Variants in MAN1C1 observed in about 807,000 individuals in gnomAD.
The protein encoded by MAN1C1 is mannosidase alpha class 1C member 1.
In MAN1C1, 49 loss-of-function variants were observed where a neutral mutation model predicts 71.5. The ratio of observed to expected loss-of-function variants is 0.69; its 90% CI spans 0.54 to 0.87. MAN1C1 has a LOEUF of 0.87. MAN1C1 is among the 40% of genes least tolerant of loss of function. The probability of loss-of-function intolerance (pLI) is 0.00; values close to 1 mark genes in which losing one functional copy is unlikely to be tolerated. For synonymous variants in MAN1C1, 352 were observed against 343.7 expected (o/e 1.02, Z -0.27); for missense variants, 743 against 835.0 (o/e 0.89, Z 1.36).
chr1:25,638,391 A>T (rs1215150750), intron 1 of MAN1C1, among the ~76,000 whole-genome samples: 1 of 152,162 alleles, frequency 6.6e-6, no homozygotes, highest in Non-Finnish European at 1.5e-5. Context: ...ATACATTGGT[A>T]TTATTTTTGC....
intron 1 of MAN1C1, among the ~76,000 whole-genome samples, chr1:25,635,928 TAAAAG>T (rs908264398): frequency 3.9e-5 from 6 of 152,100 alleles, no homozygotes; most frequent in Non-Finnish European, 8.8e-5. Flanking sequence ...GGCTGAGAAA[TAAAAG>T]AGTACCAAGA....
At chr1:25,748,083 C>G (rs1287593554) in intron 3 of MAN1C1, among the ~76,000 whole-genome samples, 1 of 151,710 alleles carries the variant, frequency 6.6e-6, no homozygotes, top group Non-Finnish European at 1.5e-5. Flanking sequence ...AGGCCTGCCT[C>G]GTTCCCTGTG....
At chr1:25,642,228 A>G (rs2045547575) in intron 1 of MAN1C1, among the ~76,000 whole-genome samples, 1 of 152,126 alleles carries the variant, frequency 6.6e-6, no homozygotes. Context: ...CCTTGCCCTT[A>G]CAGAGATCCT....
intron 8 of MAN1C1, among the ~76,000 whole-genome samples, chr1:25,774,630 C>T (rs145662487): frequency 6.6e-6 from 1 of 152,276 alleles, no homozygotes; most frequent in African/African-American, 2.4e-5. Flanking sequence ...CACAACCAAC[C>T]CAGGAATCAT....
chr1:25,746,282 G>A lies in MAN1C1; in HGVS notation c.638-386G>A, dbSNP rs2047127258. Among the ~76,000 whole-genome samples, 1 of 152,220 alleles carries A rather than the reference G, an allele frequency of 6.6e-6. No homozygotes were observed. The highest frequency in any genetic ancestry group is 1.5e-5 in the Non-Finnish European group (1 of 68,044). On this transcript the variant is annotated intron_variant, in intron 2 of 11. Transcript: ENST00000374332. The surrounding 1 kb of genome is among the most constrained non-coding windows in gnomAD (Gnocchi z 4.0). ...ATCGCACCATTGCACTCCAGACTGG[G>A]TGACAGAGTAAGACCCTGTCTCAAA...
intron 2 of MAN1C1, among the ~76,000 whole-genome samples, chr1:25,698,279 C>T (rs2046392762): frequency 6.6e-6 from 1 of 152,148 alleles, no homozygotes; most frequent in Admixed American, 6.5e-5. Flanking sequence ...AAGTGTTGAC[C>T]TAGGAGTCAG....
intron 5 of MAN1C1, among the ~76,000 whole-genome samples, chr1:25,758,268 T>C (rs2047315626): frequency 6.6e-6 from 1 of 152,184 alleles, no homozygotes; most frequent in South Asian, 2.1e-4. Context: ...CCTGATAGCA[T>C]TATCCACATC....
At position 25,711,480 on chromosome 1, in the gene MAN1C1, T is replaced by TG. The variant is rs1241187606; in HGVS notation, c.637+24945dup. ...CATCTCCTCAGGCCAAAGCTGGACA[T>TG]GCCTTTCCTGGGTTTGAGATAAATG... On this transcript the variant is annotated intron_variant, in intron 2 of 11. Transcript: ENST00000374332. The surrounding 1 kb of genome is among the most constrained non-coding windows in gnomAD (Gnocchi z 4.3). Among the ~76,000 whole-genome samples the TG allele has an allele frequency of 6.6e-6, 1 of 152,236 alleles. No homozygotes were observed. Among genetic ancestry groups the TG allele is most frequent in the Non-Finnish European group, 1.5e-5 (1 of 68,032 alleles).
chr1:25,764,975 G>A lies in MAN1C1; in HGVS notation c.1141+1008G>A, dbSNP rs976842050. Among the ~76,000 whole-genome samples, 19 of 152,044 alleles carry A rather than the reference G, an allele frequency of 1.2e-4. No individual in the cohort carries two copies. Among genetic ancestry groups the A allele is most frequent in the Non-Finnish European group, 2.8e-4 (19 of 68,008 alleles). On this transcript the variant is annotated intron_variant, in intron 7 of 11. Coordinates refer to ENST00000374332, the MANE Select transcript of MAN1C1 (RefSeq NM_020379.4). This position sits in a 1 kb window ranked among gnomAD's most constrained non-coding sequence, Gnocchi z 4.4. ...AGGCAGGAGAATCGCTTGAACCCGG[G>A]AGGCGGAGGTTGCAGTGAGCCAAGA...
chr1:25,768,247 T>C (rs1276997407), intron 7 of MAN1C1, among the ~76,000 whole-genome samples: 100 of 8,718 alleles, frequency 0.011, no homozygotes, highest in Non-Finnish European at 0.014. Flanking sequence ...CTCACACACA[T>C]CCACACTCCC....
chr1:25,691,689 T>C (rs1267365740), intron 2 of MAN1C1, among the ~76,000 whole-genome samples: 1 of 152,186 alleles, frequency 6.6e-6, no homozygotes, highest in Non-Finnish European at 1.5e-5. Flanking sequence ...CCAGCCCTGA[T>C]TCCCCCTGTT....
chr1:25,713,780 A>G (rs567249684), intron 2 of MAN1C1, among the ~76,000 whole-genome samples: 16 of 152,270 alleles, frequency 1.1e-4, no homozygotes, highest in African/African-American at 3.4e-4. Context: ...GGCCATGGAG[A>G]AGGCATTCCT....
At chr1:25,756,064 G>A (rs530071847) in intron 5 of MAN1C1, among the ~76,000 whole-genome samples, 26 of 152,360 alleles carry the variant, frequency 1.7e-4, no homozygotes, top group African/African-American at 6.3e-4. Context: ...TACCTCCGAA[G>A]TTGGTTGTGA....
intron 8 of MAN1C1, among the ~76,000 whole-genome samples, chr1:25,773,562 A>G (rs896263719): frequency 6.6e-6 from 1 of 152,190 alleles, no homozygotes; most frequent in Non-Finnish European, 1.5e-5. Context: ...AGCCCCGGTC[A>G]GAGAATTAGT....
chr1:25,647,431 G>A (rs183110040), intron 1 of MAN1C1, among the ~76,000 whole-genome samples: 5 of 152,244 alleles, frequency 3.3e-5, no homozygotes, highest in Non-Finnish European at 4.4e-5. Flanking sequence ...CAAAGGAAGA[G>A]GTGGGTCCAA....
chr1:25,648,815 T>G (rs2045652432), intron 1 of MAN1C1, among the ~76,000 whole-genome samples: 1 of 152,236 alleles, frequency 6.6e-6, no homozygotes, highest in African/African-American at 2.4e-5. Context: ...CACACACAAA[T>G]TTAGTGAGAC....
intron 1 of MAN1C1, among the ~76,000 whole-genome samples, chr1:25,620,968 A>G (rs2045198322): frequency 6.6e-6 from 1 of 152,248 alleles, no homozygotes; most frequent in South Asian, 2.1e-4. Context: ...GAACCTTGGC[A>G]AAAGCAATGT....
intron 5 of MAN1C1, among the ~76,000 whole-genome samples, chr1:25,758,150 A>T (rs1369483213): frequency 6.6e-6 from 1 of 152,178 alleles, no homozygotes; most frequent in Non-Finnish European, 1.5e-5. Context: ...TTGCACCCGA[A>T]TCACAGCACT....
intron 2 of MAN1C1, among the ~76,000 whole-genome samples, chr1:25,706,069 G>A (rs2046517373): frequency 6.6e-6 from 1 of 152,202 alleles, no homozygotes; most frequent in Admixed American, 6.5e-5. Context: ...TCACACAGCT[G>A]GCAAACTGCA....
Sources: gnomAD v4.1 joint callset for allele counts (sites outside exome capture counted in the v4.1 genomes callset) on GRCh38, gnomAD v4.1.1 for gene constraint, Gnocchi (gnomAD v3.1) non-coding constraint, MANE v1.5 for transcripts, NCBI Gene and HGNC (gene_info 2026-07-23, HGNC 2026-07-21) for gene names.